The following PCDHGB2 variants were observed in gnomAD, a reference collection of about 807,000 sequenced individuals.
PCDHGB2 encodes the protein protocadherin gamma subfamily B, 2.
PCDHGB2 carries 55 observed loss-of-function variants against 59.3 expected under a neutral mutation model. The ratio of observed to expected loss-of-function variants is 0.93; its 90% CI spans 0.75 to 1.16. The LOEUF (loss-of-function observed/expected upper bound fraction) is 1.16. Among genes scored for constraint, PCDHGB2 ranks in the 50% most tolerant of loss-of-function variants. The pLI is 0.00. For synonymous variants in PCDHGB2, 516 were observed against 512.0 expected, an observed-to-expected ratio of 1.01 and a Z score of -0.11; for missense variants, 1,228 against 1,198.5, an observed-to-expected ratio of 1.02 and a Z score of -0.36.
At chr5:141,385,891 T>C (rs1366389515) in intron 1 of PCDHGB2, 2 of 152,892 alleles carry the variant, frequency 1.3e-5, no homozygotes, top group African/African-American at 4.8e-5. Flanking sequence ...AAGAATGAAA[T>C]GTGTGTGTAT....
At chr5:141,492,423 G>C (rs1164828445) in intron 1 of PCDHGB2, among the ~76,000 whole-genome samples, 1 of 152,222 alleles carries the variant, frequency 6.6e-6, no homozygotes, top group African/African-American at 2.4e-5. Context: ...CCCTCCGCCG[G>C]GCTCAGGAGT....
In PCDHGB2 at chr5:141,490,261, G is replaced by T; in HGVS notation, c.2422-4546G>T. 6.2e-7 allele frequency: 1 copy of T among 1,614,218 alleles called. No individual in the cohort carries two copies. Among genetic ancestry groups the T allele is most frequent in the Non-Finnish European group, 8.5e-7 (1 of 1,180,038 alleles). ...CCACTGTGTGATTCAAGTGGATGTG[G>T]GGGATGTCAATGACAATGCCCCAGA... On this transcript the variant is annotated intron_variant, in intron 1 of 3. Coordinates refer to ENST00000522605, the MANE Select transcript of PCDHGB2 (RefSeq NM_018923.3). The surrounding 1 kb of genome is among the most constrained non-coding windows in gnomAD (Gnocchi z 5.4).
chr5:141,361,937 A>C lies in PCDHGB2; in HGVS notation c.1802A>C (p.Asn601Thr), dbSNP rs1168023930. ...VVAVDADSGH[N>T]AWLSYHVLQA... ...GCGGTGGACGCAGACTCAGGACACA[A>C]CGCTTGGCTGTCCTACCACGTGCTG... is the stretch of plus-strand genomic sequence containing the variant. Residue 601 changes from asparagine (N) to threonine (T), a missense_variant, in exon 1 of 4, where the codon AAC becomes ACC. Physicochemically the swap from Asn to Thr is moderately conservative, Grantham distance 65. Around this residue, in one of 3 missense-constraint regions of PCDHGB2, gnomAD observed 433 missense variants for 441.8 expected, o/e 0.98. Coordinates refer to ENST00000522605, the MANE Select transcript of PCDHGB2 (RefSeq NM_018923.3). The C allele has an allele frequency of 6.2e-7, 1 of 1,605,822 alleles. No homozygotes were observed. The highest frequency in any genetic ancestry group is 1.7e-5 in the Admixed American group (1 of 59,778).
chr5:141,419,443 C>T (rs1476796525), intron 1 of PCDHGB2: 2 of 1,613,080 alleles, frequency 1.2e-6, no homozygotes, highest in South Asian at 2.2e-5. Flanking sequence ...TGCGCACCTT[C>T]GAGCTCACGC....
chr5:141,393,169 T>C lies in PCDHGB2; in HGVS notation c.2421+30613T>C, dbSNP rs113280752. 2,582 of 1,613,090 alleles carry C rather than the reference T, an allele frequency of 1.6e-3. 1 individual carries two copies. The highest frequency in any genetic ancestry group is 1.9e-3 in the Non-Finnish European group (2,191 of 1,179,870). On this transcript the variant is annotated intron_variant, in intron 1 of 3. Coordinates refer to ENST00000522605, the MANE Select transcript of PCDHGB2 (RefSeq NM_018923.3). ...GAGGATAAAGGAAAACTCTTTGGGGTAGAAATAGAAATAATTGATATTAAC... is the reference window on the plus strand; with the variant it reads ...GAGGATAAAGGAAAACTCTTTGGGGCAGAAATAGAAATAATTGATATTAAC...
intron 1 of PCDHGB2, chr5:141,405,358 A>G (rs567878422): frequency 6.2e-7 from 1 of 1,613,900 alleles, no homozygotes; most frequent in East Asian, 2.2e-5. Context: ...TTCCTATAGA[A>G]GACACCCCTT....
rs779392461 is a variant in PCDHGB2, at chr5:141,428,623, TC to T, written c.2421+66068del. 3.1e-5 allele frequency: 6 copies of T among 193,516 alleles called. No individual in the cohort carries two copies. In the East Asian group the frequency reaches 5.4e-4, roughly 17 times the overall value. 12.0% of individuals were successfully genotyped at this position (193,516 alleles called of 1,614,324 possible). ...CACTGAAGAGAATAACAAGATAAGC[TC>T]TAACTCTGTTGCTCCTACTCACGTG... On this transcript the variant is annotated intron_variant, in intron 1 of 3. Coordinates refer to ENST00000522605, the MANE Select transcript of PCDHGB2 (RefSeq NM_018923.3).
chr5:141,481,646 C>T (rs1425216422), intron 1 of PCDHGB2, among the ~76,000 whole-genome samples: 1 of 151,950 alleles, frequency 6.6e-6, no homozygotes, highest in African/African-American at 2.4e-5. Flanking sequence ...GGTGAAACTT[C>T]ATCTCTACTA....
At chr5:141,419,667 G>T in intron 1 of PCDHGB2, 1 of 1,612,894 alleles carries the variant, frequency 6.2e-7, no homozygotes, top group South Asian at 1.1e-5. Flanking sequence ...CACAATGCCT[G>T]GCTGTCCTAC....
At chr5:141,400,294 T>TTGCC (rs1347415154) in intron 1 of PCDHGB2, 1 of 1,614,070 alleles carries the variant, frequency 6.2e-7, no homozygotes, top group African/African-American at 1.3e-5. Context: ...CTGGAGCTGC[T>TTGCC]TCCAACCTGG....
At position 141,485,532 on chromosome 5, in the gene PCDHGB2, A is replaced by C. The variant is rs1360942348; in HGVS notation, c.2422-9275A>C. 6.2e-7 allele frequency: 1 copy of C among 1,614,108 alleles called. No individual in the cohort carries two copies. The highest frequency in any genetic ancestry group is 1.7e-5 in the Admixed American group (1 of 60,000). ...GGTCCTTTGGAAATGTACCGAGCAG[A>C]GGTAGAGATCGTAGATGTGAATGAT... On this transcript the variant is annotated intron_variant, in intron 1 of 3. Transcript: ENST00000522605. This position sits in a 1 kb window ranked among gnomAD's most constrained non-coding sequence, Gnocchi z 5.7.
At chr5:141,408,844 C>G (rs1359968983) in intron 1 of PCDHGB2, 1 of 1,613,634 alleles carries the variant, frequency 6.2e-7, no homozygotes, top group South Asian at 1.1e-5. Context: ...TATTGACTGC[C>G]TTGGACGGAG....
intron 1 of PCDHGB2, chr5:141,390,321 C>G: frequency 6.2e-7 from 1 of 1,607,082 alleles, no homozygotes; most frequent in Non-Finnish European, 8.5e-7. Flanking sequence ...TCATTGCCTA[C>G]CCATTTCTCC....
chr5:141,491,332 C>T lies in PCDHGB2; in HGVS notation c.2422-3475C>T, dbSNP rs1013118722. 2 of 1,614,072 alleles carry T rather than the reference C, an allele frequency of 1.2e-6. No individual in the cohort carries two copies. The highest frequency in any genetic ancestry group is 2.7e-5 in the African/African-American group (2 of 74,944). On this transcript the variant is annotated intron_variant, in intron 1 of 3. Coordinates refer to ENST00000522605, the MANE Select transcript of PCDHGB2 (RefSeq NM_018923.3). This position sits in a 1 kb window ranked among gnomAD's most constrained non-coding sequence, Gnocchi z 6.9. ...CCTTACCCTTTACCTCATTGTGGCT[C>T]TAGCGACCGTCAGTCTCTTATCCCT...
chr5:141,409,566 C>G (rs750850161), intron 1 of PCDHGB2: 1 of 1,613,978 alleles, frequency 6.2e-7, no homozygotes, highest in South Asian at 1.1e-5. Flanking sequence ...TTCGACCAGA[C>G]GTCCTACGTG....
chr5:141,362,464 G>T lies in PCDHGB2; in HGVS notation c.2329G>T (p.Ala777Ser). 3 of 1,614,038 alleles carry T rather than the reference G, an allele frequency of 1.9e-6. No individual in the cohort carries two copies. The highest frequency in any genetic ancestry group is 3.3e-4 in the Middle Eastern group (2 of 6,062). Residue 777 changes from alanine to serine, a missense_variant, in exon 1 of 4, where the codon GCG becomes TCG. Physicochemically the swap from Ala to Ser is moderately conservative, Grantham distance 99 (BLOSUM62 1). Around this residue, in one of 3 missense-constraint regions of PCDHGB2, gnomAD observed 433 missense variants for 441.8 expected, o/e 0.98. Transcript: ENST00000522605. ...GAACATAACCCCGGAATTGGTTCCCGCGCAAGATCTCGTCTGTGACAATGC... is the reference window on the plus strand; with the variant it reads ...GAACATAACCCCGGAATTGGTTCCCTCGCAAGATCTCGTCTGTGACAATGC... ...FLNITPELVP[A>S]QDLVCDNASW...
chr5:141,366,765 T>G (rs373961637), intron 1 of PCDHGB2: 1 of 1,604,708 alleles, frequency 6.2e-7, no homozygotes, highest in East Asian at 2.2e-5. Flanking sequence ...AGTTTTCTCT[T>G]TCGGTAAGGA....
rs1188707468 is a variant in PCDHGB2 at position 141,384,157 on chromosome 5, A to G, written c.2421+21601A>G. The G allele has an allele frequency of 8.7e-6, 14 of 1,613,580 alleles. No individual in the cohort carries two copies. The highest frequency in any genetic ancestry group is 1.1e-5 in the South Asian group (1 of 91,054). ...CCGGGAAACACTCTCTTTGTATAAC[A>G]TCACACTGAAAGCCACAGATGGTGG... On this transcript the variant is annotated intron_variant, in intron 1 of 3. Coordinates refer to ENST00000522605, the MANE Select transcript of PCDHGB2 (RefSeq NM_018923.3).
intron 1 of PCDHGB2, chr5:141,394,509 G>A (rs367855808): frequency 6.2e-7 from 1 of 1,614,146 alleles, no homozygotes; most frequent in Non-Finnish European, 8.5e-7. Context: ...CCTGTACCCC[G>A]CCCTCCCCAC....
Sources: gnomAD v4.1 joint callset for allele counts (sites outside exome capture counted in the v4.1 genomes callset) on GRCh38, gnomAD v4.1.1 for gene constraint, gnomAD v4.1.1 regional missense constraint, Gnocchi (gnomAD v3.1) non-coding constraint, MANE v1.5 for transcripts, NCBI Gene and HGNC (gene_info 2026-07-23, HGNC 2026-07-21) for gene names.